The following BLOC1S2 variants were observed in gnomAD, a reference collection of about 807,000 sequenced individuals.
BLOC1S2 encodes the protein biogenesis of lysosomal organelles complex 1 subunit 2.
A neutral mutation model predicts 19.6 loss-of-function variants in BLOC1S2; 12 were observed. That is an observed-to-expected ratio of 0.61 (90% CI 0.39 to 0.99). The LOEUF (loss-of-function observed/expected upper bound fraction) is 0.99, where lower values mean the gene tolerates loss of function less well. Among genes scored for constraint, BLOC1S2 ranks in the 50% least tolerant of loss-of-function variants. The probability of loss-of-function intolerance (pLI) is 0.00; values close to 1 mark genes in which losing one functional copy is unlikely to be tolerated. For synonymous variants in BLOC1S2, 66 were observed against 64.1 expected, an observed-to-expected ratio of 1.03 and a Z score of -0.14; for missense variants, 142 against 171.0, an observed-to-expected ratio of 0.83 and a Z score of 0.95.
intron 2 of BLOC1S2, among the ~76,000 whole-genome samples, chr10:100,283,201 G>A (rs1397235909): frequency 6.6e-6 from 1 of 152,120 alleles, no homozygotes; most frequent in Non-Finnish European, 1.5e-5. Context: ...ACTTAAACAA[G>A]TCCTATAAAG....
chr10:100,280,884 C>T (rs1354747561), intron 3 of BLOC1S2, 50 bp downstream of exon 3: 3 of 1,557,510 alleles, frequency 1.9e-6, no homozygotes, highest in South Asian at 1.2e-5. Context: ...GCCCCAAGCA[C>T]AAAAGAACAT....
intron 4 of BLOC1S2, among the ~76,000 whole-genome samples, chr10:100,279,880 C>T (rs1269704273): frequency 1.3e-5 from 2 of 151,158 alleles, no homozygotes; most frequent in Non-Finnish European, 2.9e-5. Flanking sequence ...AAACTTGTCT[C>T]AAAAAAAACA....
chr10:100,282,373 T>G (rs979801318), intron 2 of BLOC1S2, among the ~76,000 whole-genome samples: 14 of 152,338 alleles, frequency 9.2e-5, no homozygotes, highest in African/African-American at 3.4e-4. Context: ...ATCCAGAGAT[T>G]ACATGCTCCA....
At chr10:100,283,220 T>C (rs1848153345) in intron 2 of BLOC1S2, among the ~76,000 whole-genome samples, 2 of 152,250 alleles carry the variant, frequency 1.3e-5, no homozygotes, top group African/African-American at 4.8e-5. Flanking sequence ...AGTCCACTTC[T>C]GTAATGCTGT....
chr10:100,285,957 C>G, intron 2 of BLOC1S2, 140 bp downstream of exon 2: 1 of 1,157,084 alleles, frequency 8.6e-7, no homozygotes, highest in Non-Finnish European at 1.2e-6. Context: ...CTTTCTCTCC[C>G]ATTCATGGCC....
chr10:100,273,337 T>C lies in BLOC1S2; in HGVS notation c.*2125A>G, dbSNP rs188468151. On this transcript the variant is annotated 3_prime_UTR_variant, in exon 5 of 5. Coordinates refer to ENST00000370372, the MANE Select transcript of BLOC1S2 (RefSeq NM_173809.5). ...AATATTTACACATTATATACATGTA[T>C]TAAATTATCACTTGTACTCTGAAAA... 1 of 152,316 alleles carries C rather than the reference T, an allele frequency of 6.6e-6. No homozygotes were observed. Among genetic ancestry groups the C allele is most frequent in the Non-Finnish European group, 1.5e-5 (1 of 68,030 alleles). 9.4% of individuals were successfully genotyped at this position (152,316 alleles called of 1,614,324 possible).
intron 2 of BLOC1S2, 47 bp downstream of exon 2, chr10:100,286,050 G>T: frequency 6.2e-7 from 1 of 1,603,830 alleles, no homozygotes; most frequent in Non-Finnish European, 8.5e-7. Flanking sequence ...CATCTCCCAG[G>T]CCTCCTGGGC....
intron 4 of BLOC1S2, among the ~76,000 whole-genome samples, chr10:100,277,960 A>G (rs1196966382): frequency 1.1e-5 from 1 of 89,120 alleles, no homozygotes; most frequent in African/African-American, 4.9e-5. Flanking sequence ...CCCTACTGGG[A>G]AGTGAGGAGC....
chr10:100,277,487 T>C (rs1198826853), intron 4 of BLOC1S2, among the ~76,000 whole-genome samples: 195 of 47,102 alleles, frequency 4.1e-3, no homozygotes, highest in East Asian at 4.8e-3. Context: ...CGGCCAGCCG[T>C]CCCGTCCGGG....
chr10:100,277,183 T>C (rs1272757882), intron 4 of BLOC1S2, among the ~76,000 whole-genome samples: 21 of 150,500 alleles, frequency 1.4e-4, no homozygotes, highest in Non-Finnish European at 2.5e-4. Flanking sequence ...GGAGCGTCTC[T>C]GCCCGGCCGC....
chr10:100,281,184 A>C, intron 2 of BLOC1S2, 131 bp from the exon 3 acceptor site: 1 of 1,043,436 alleles, frequency 9.6e-7, no homozygotes, highest in South Asian at 1.5e-5. Flanking sequence ...CTTTTGATCT[A>C]TGACATTTAT....
At chr10:100,281,185 T>C (rs547647913) in intron 2 of BLOC1S2, 132 bp from the exon 3 acceptor site, 49 of 1,048,394 alleles carry the variant, frequency 4.7e-5, no homozygotes, top group Middle Eastern at 6.1e-4. Context: ...TTTTGATCTA[T>C]GACATTTATA....
chr10:100,277,370 GA>G, intron 4 of BLOC1S2, among the ~76,000 whole-genome samples: 1 of 150,788 alleles, frequency 6.6e-6, no homozygotes, highest in East Asian at 2.0e-4. Context: ...CCCCGTCCGG[GA>G]GGTGAGGGGC....
intron 4 of BLOC1S2, among the ~76,000 whole-genome samples, chr10:100,278,308 G>A (rs1361399429): frequency 2.0e-5 from 3 of 151,696 alleles, no homozygotes; most frequent in South Asian, 2.1e-4. Context: ...CCCTCTGCCC[G>A]GCCACCACCC....
At chr10:100,282,424 G>A (rs1338599934) in intron 2 of BLOC1S2, among the ~76,000 whole-genome samples, 2 of 152,192 alleles carry the variant, frequency 1.3e-5, no homozygotes, top group Non-Finnish European at 2.9e-5. Flanking sequence ...CATGGCATTT[G>A]CTCAGTTCTT....
At chr10:100,277,485 C>T (rs1383399796) in intron 4 of BLOC1S2, among the ~76,000 whole-genome samples, 6 of 129,346 alleles carry the variant, frequency 4.6e-5, no homozygotes, top group African/African-American at 1.2e-4. Flanking sequence ...CCCGGCCAGC[C>T]GTCCCGTCCG....
At chr10:100,284,727 G>A (rs1177218851) in intron 2 of BLOC1S2, among the ~76,000 whole-genome samples, 4 of 152,134 alleles carry the variant, frequency 2.6e-5, no homozygotes, top group South Asian at 2.1e-4. Flanking sequence ...CTGACCTCAG[G>A]TGATCCACCT....
At chr10:100,280,041 T>TA (rs1564873087) in intron 4 of BLOC1S2, 83 bp downstream of exon 4, 2 of 1,044,838 alleles carry the variant, frequency 1.9e-6, no homozygotes, top group Non-Finnish European at 2.9e-6. Flanking sequence ...AGGCACACCA[T>TA]AAATGTTAAC....
chr10:100,286,602 T>C lies in BLOC1S2; in HGVS notation c.55+3A>G, dbSNP rs568972402. The C allele has an allele frequency of 6.2e-7, 1 of 1,612,552 alleles. No individual in the cohort carries two copies. Among genetic ancestry groups the C allele is most frequent in the African/African-American group, 1.3e-5 (1 of 74,892 alleles). On this transcript the variant is annotated splice_donor_region_variant and intron_variant, in intron 1 of 4. Transcript: ENST00000370372. ...ACGCTTCCTCCCCATCCATTCCGGGTACCTCGGGCGGGCTCATCACTCCGG... is the reference window on the plus strand; with the variant it reads ...ACGCTTCCTCCCCATCCATTCCGGGCACCTCGGGCGGGCTCATCACTCCGG...
Sources: gnomAD v4.1 joint callset for allele counts (sites outside exome capture counted in the v4.1 genomes callset) on GRCh38, gnomAD v4.1.1 for gene constraint, MANE v1.5 for transcripts, NCBI Gene and HGNC (gene_info 2026-07-23, HGNC 2026-07-21) for gene names.